DGKB: variants seen among roughly 807,000 people sequenced by gnomAD.
DGKB encodes diacylglycerol kinase beta, also known as 90 kDa diacylglycerol kinase.
In DGKB, 67 loss-of-function variants were observed where a neutral mutation model predicts 114.3. That is an observed-to-expected ratio of 0.59 (90% confidence interval 0.48 to 0.72). The LOEUF (loss-of-function observed/expected upper bound fraction) is 0.72. Ranked by LOEUF, DGKB falls within the 30% of genes least tolerant of loss-of-function variation. The pLI is 0.00. For synonymous variants in DGKB, 398 were observed against 323.1 expected (o/e 1.23, Z -2.49); for missense variants, 907 against 975.2 (o/e 0.93, Z 0.93).
chr7:14,656,927 G>A (rs537448446), intron 13 of DGKB, among the ~76,000 whole-genome samples: 21 of 151,622 alleles, frequency 1.4e-4, no homozygotes, highest in African/African-American at 4.8e-4. Context: ...AATTATACAC[G>A]TTCTACATAA....
intron 23 of DGKB, among the ~76,000 whole-genome samples, chr7:14,207,684 A>G (rs1220594333): frequency 6.6e-6 from 1 of 152,068 alleles, no homozygotes; most frequent in Admixed American, 6.6e-5. Context: ...GTGGTTTACA[A>G]GTAAAAATCC....
intron 2 of DGKB, chr7:14,816,430 C>A (rs1371712294): frequency 2.0e-5 from 3 of 152,180 alleles, no homozygotes; most frequent in Non-Finnish European, 4.4e-5. Context: ...CTCAACTCTT[C>A]TCCATGTTGA....
chr7:14,544,341 T>C (rs558924607), intron 20 of DGKB, among the ~76,000 whole-genome samples: 4 of 152,210 alleles, frequency 2.6e-5, no homozygotes, highest in Non-Finnish European at 5.9e-5. Flanking sequence ...TTGCAGATTC[T>C]TAGTAGAAAA....
rs1224661989 is a variant in DGKB, at chr7:14,652,982, A to G, written c.1134+19947T>C. ...ACCATCTCACACCAGTTAGAATGGC[A>G]ATCATTAAAAAGTCAGGAAACAACA... On this transcript the variant is annotated intron_variant, in intron 13 of 25. Coordinates refer to ENST00000402815, the MANE Select transcript of DGKB (RefSeq NM_001350709.2). Among the ~76,000 whole-genome samples the G allele has an allele frequency of 3.3e-5, 5 of 151,716 alleles. No individual in the cohort carries two copies. In the East Asian group the frequency reaches 5.8e-4, roughly 18 times the overall value.
chr7:14,509,238 T>C (rs1380865715), intron 20 of DGKB, among the ~76,000 whole-genome samples: 3 of 152,156 alleles, frequency 2.0e-5, no homozygotes, highest in Admixed American at 6.5e-5. Context: ...ATAAAGCTAA[T>C]ACTGTGGGAA....
chr7:14,572,461 G>GA (rs144971909), intron 20 of DGKB, among the ~76,000 whole-genome samples: 3,631 of 140,120 alleles, frequency 0.026, 151 homozygotes, highest in African/African-American at 0.088. Flanking sequence ...CAAAAAAAAA[G>GA]AAAAAAAAAA....
chr7:14,316,767 C>T (rs2128520770), intron 23 of DGKB, among the ~76,000 whole-genome samples: 1 of 151,594 alleles, frequency 6.6e-6, no homozygotes, highest in Admixed American at 6.6e-5. Context: ...AGAGGGAATC[C>T]TCCCTAACTC....
At chr7:14,789,411 T>C (rs1488292548) in intron 2 of DGKB, among the ~76,000 whole-genome samples, 1 of 152,170 alleles carries the variant, frequency 6.6e-6, no homozygotes, top group East Asian at 1.9e-4. Context: ...TGTTGTTGCA[T>C]TTATTATTGA....
rs34838441 is a variant in DGKB, at chr7:14,841,454, C to CA, written c.-187-5dup. ...ATTTCAATAATGTGTTAAAGAACTG[C>CA]AAAAAAAAAAAACAGATCAAGATCA... On this transcript the variant is annotated splice_region_variant and splice_polypyrimidine_tract_variant and intron_variant, in intron 1 of 25. Coordinates refer to ENST00000402815, the MANE Select transcript of DGKB (RefSeq NM_001350709.2). The CA allele has an allele frequency of 3.0e-3, 1,076 of 363,764 alleles. No homozygotes were observed. The highest frequency in any genetic ancestry group is 4.2e-3 in the Non-Finnish European group (854 of 201,262). The allele number at this position is 363,764 out of a possible 1,614,324, so 22.5% of individuals were successfully genotyped here.
chr7:14,853,358 C>A (rs911431207), intron 1 of DGKB, among the ~76,000 whole-genome samples: 5 of 151,868 alleles, frequency 3.3e-5, no homozygotes, highest in Non-Finnish European at 7.4e-5. Flanking sequence ...TACTGGCTCA[C>A]CAAATATACC....
intron 21 of DGKB, among the ~76,000 whole-genome samples, chr7:14,429,868 A>G (rs1583877034): frequency 6.6e-6 from 1 of 152,150 alleles, no homozygotes; most frequent in South Asian, 2.1e-4. Context: ...CGGAGGTTGT[A>G]GTGAGCTGAG....
At chr7:14,955,283 A>G (rs992605830) in intron 1 of DGKB, among the ~76,000 whole-genome samples, 13 of 152,084 alleles carry the variant, frequency 8.5e-5, no homozygotes, top group African/African-American at 3.1e-4. Flanking sequence ...AAGAAATAAA[A>G]TGTGTGTGAA....
At chr7:14,706,087 C>T (rs1406094065) in intron 6 of DGKB, among the ~76,000 whole-genome samples, 14 of 146,998 alleles carry the variant, frequency 9.5e-5, no homozygotes, top group Middle Eastern at 6.8e-3. Context: ...CGTGCAGAGA[C>T]ACACATAGGC....
chr7:14,832,516 T>A lies in DGKB; in HGVS notation c.70+8678A>T, dbSNP rs1846563991. On this transcript the variant is annotated intron_variant, in intron 2 of 25. Coordinates refer to ENST00000402815, the MANE Select transcript of DGKB (RefSeq NM_001350709.2). ...GTTTTCCATCCATTTCATCTATTAT[T>A]GTTTTTTAAAAAAATCCATATTAAA... Among the ~76,000 whole-genome samples, 3 of 152,062 alleles carry A rather than the reference T, an allele frequency of 2.0e-5. No individual in the cohort carries two copies. In the South Asian group the frequency reaches 6.2e-4, roughly 31 times the overall value.
chr7:14,307,457 G>A (rs541249040), intron 23 of DGKB, among the ~76,000 whole-genome samples: 180 of 152,224 alleles, frequency 1.2e-3, no homozygotes, highest in African/African-American at 4.1e-3. Flanking sequence ...TAACAGTAAA[G>A]GTTAAAGATT....
intron 23 of DGKB, among the ~76,000 whole-genome samples, chr7:14,230,847 A>C (rs1231110769): frequency 2.0e-5 from 3 of 152,032 alleles, no homozygotes; most frequent in Non-Finnish European, 4.4e-5. Context: ...CTACTAAGTC[A>C]AAGTACCTCA....
chr7:14,607,554 C>T (rs759852567), intron 16 of DGKB, 46 bp from the exon 17 acceptor site: 3 of 831,576 alleles, frequency 3.6e-6, no homozygotes, highest in South Asian at 1.5e-5. Context: ...ATATTCAATA[C>T]TTTTAAAATA....
intron 23 of DGKB, among the ~76,000 whole-genome samples, chr7:14,313,219 GCTTGATTTTCTTCATA>G (rs1805711118): frequency 6.6e-6 from 1 of 152,132 alleles, no homozygotes; most frequent in Non-Finnish European, 1.5e-5. Flanking sequence ...TCTGTGTGAG[GCTTGATTTTCTTCATA>G]GACTTCAATT....
intron 23 of DGKB, among the ~76,000 whole-genome samples, chr7:14,202,526 C>T (rs2128291246): frequency 6.6e-6 from 1 of 152,042 alleles, no homozygotes; most frequent in African/African-American, 2.4e-5. Context: ...CTGTTAATTT[C>T]ATTATTTTTA....
Sources: gnomAD v4.1 joint callset for allele counts (sites outside exome capture counted in the v4.1 genomes callset) on GRCh38, gnomAD v4.1.1 for gene constraint, MANE v1.5 for transcripts, NCBI Gene and HGNC (gene_info 2026-07-23, HGNC 2026-07-21) for gene names.